The following PRKN variants were observed in gnomAD, a reference collection of about 807,000 sequenced individuals.
PRKN encodes E3 ubiquitin-protein ligase parkin.
PRKN carries 56 observed loss-of-function variants against 59.5 expected under a neutral mutation model. The observed-to-expected ratio is 0.94, with a 90% confidence interval of 0.76 to 1.18. The LOEUF is 1.18. Among genes scored for constraint, PRKN ranks in the 50% most tolerant of loss-of-function variants. PRKN has a pLI of 0.00. For synonymous variants in PRKN, 250 were observed against 222.1 expected (o/e 1.13, Z -1.12); for missense variants, 657 against 596.4 (o/e 1.10, Z -1.06).
chr6:161,603,680 C>T (rs772620097), intron 7 of PRKN, among the ~76,000 whole-genome samples: 10 of 152,126 alleles, frequency 6.6e-5, no homozygotes, highest in East Asian at 5.8e-4. Context: ...TAACTCCTTC[C>T]GTATCATTTT....
At chr6:161,689,884 A>G (rs1264810877) in intron 7 of PRKN, among the ~76,000 whole-genome samples, 1 of 148,560 alleles carries the variant, frequency 6.7e-6, no homozygotes. Flanking sequence ...CTAATTTTGT[A>G]TTTTTAGTAG....
chr6:161,498,881 T>C lies in PRKN; in HGVS notation c.1083+49973A>G, dbSNP rs1777850885. Among the ~76,000 whole-genome samples the C allele has an allele frequency of 6.6e-6, 1 of 152,164 alleles. No individual in the cohort carries two copies. The highest frequency in any genetic ancestry group is 2.4e-5 in the African/African-American group (1 of 41,442). On this transcript the variant is annotated intron_variant, in intron 9 of 11. Transcript: ENST00000366898. This position sits in a 1 kb window ranked among gnomAD's most constrained non-coding sequence, Gnocchi z 4.2. The stretch of plus-strand genomic sequence containing the variant: ...AGTGAAATATGCTTTGGAACACCTA[T>C]ACATAATAAAAGCAGAGATGGTCAT...
At chr6:162,551,208 T>C (rs9458583) in intron 1 of PRKN, among the ~76,000 whole-genome samples, 95,731 of 151,884 alleles carry the variant, frequency 0.63, 30,471 homozygotes, top group South Asian at 0.8. Flanking sequence ...AGAGAACACG[T>C]ACTTGGGCAT....
chr6:162,527,899 C>T lies in PRKN; in HGVS notation c.8-84426G>A, dbSNP rs1429272195. ...AGGCCACATTAACAAGTGACAATGG[C>T]TGGTTCTGCTGGATCCAGCCTGGGC... On this transcript the variant is annotated intron_variant, in intron 1 of 11. Transcript: ENST00000366898. Among the ~76,000 whole-genome samples, 2 of 152,124 alleles carry T rather than the reference C, an allele frequency of 1.3e-5. 1 individual carries two copies. Among genetic ancestry groups the T allele is most frequent in the Admixed American group, 1.3e-4 (2 of 15,268 alleles).
At chr6:162,569,125 A>G in intron 1 of PRKN, 1 of 638,750 alleles carries the variant, frequency 1.6e-6, no homozygotes, top group South Asian at 1.6e-5. Flanking sequence ...AGATCACCCA[A>G]CCTCAGCCGG....
chr6:161,795,026 A>G (rs187181677), intron 6 of PRKN, among the ~76,000 whole-genome samples: 2,455 of 151,382 alleles, frequency 0.016, 34 homozygotes, highest in Non-Finnish European at 0.025. Flanking sequence ...CTGGGACTAC[A>G]GGCACCCACC....
rs34202797 is a variant in PRKN at position 161,480,352 on chromosome 6, G to T, written c.1083+68502C>A. On this transcript the variant is annotated intron_variant, in intron 9 of 11. Transcript: ENST00000366898. The surrounding 1 kb of genome is among the most constrained non-coding windows in gnomAD (Gnocchi z 4.1). The stretch of plus-strand genomic sequence containing the variant: ...GGGCCCTGTGAGTATGGGGCCCTGT[G>T]TGACTGTACAGGTCGCACACTCCAA... Among the ~76,000 whole-genome samples the T allele has an allele frequency of 6.6e-6, 1 of 152,098 alleles. No individual in the cohort carries two copies. Among genetic ancestry groups the T allele is most frequent in the Non-Finnish European group, 1.5e-5 (1 of 68,038 alleles).
Position 162,488,393 on chromosome 6 carries a change from T to C in PRKN, c.8-44920A>G, listed in dbSNP as rs184778241. 2.1e-3 allele frequency among the ~76,000 whole-genome samples: 314 copies of C among 152,286 alleles called. 2 individuals are homozygous for C. The highest frequency in any genetic ancestry group is 7.3e-3 in the African/African-American group (303 of 41,574). On this transcript the variant is annotated intron_variant, in intron 1 of 11. Transcript: ENST00000366898. ...AGCAAGTGCCACCAGTGTGGATGCA[T>C]GGTCTCCACAAATCCACTCTTCACT...
At chr6:162,454,494 G>C (rs932154903) in intron 1 of PRKN, among the ~76,000 whole-genome samples, 2 of 152,128 alleles carry the variant, frequency 1.3e-5, no homozygotes, top group Non-Finnish European at 2.9e-5. Context: ...TTAAAATAAA[G>C]AAACAGATGC....
At chr6:162,375,128 T>A (rs1785991385) in intron 2 of PRKN, among the ~76,000 whole-genome samples, 1 of 152,122 alleles carries the variant, frequency 6.6e-6, no homozygotes, top group Non-Finnish European at 1.5e-5. Context: ...GGGATGCATT[T>A]ATAATGACTG....
rs554642415 is a variant in PRKN at position 161,842,518 on chromosome 6, T to C, written c.735-56610A>G. 1.0e-3 allele frequency among the ~76,000 whole-genome samples: 157 copies of C among 152,022 alleles called. 7 individuals carry two copies. The South Asian group carries it at 0.031, about 30-fold the overall frequency. ...CAAGAGAGACATGTCCTTGCTGATT[T>C]CTCCCCTTGAATCTGGCCCACTGAG... is the stretch of plus-strand genomic sequence containing the variant. On this transcript the variant is annotated intron_variant, in intron 6 of 11. Coordinates refer to ENST00000366898, the MANE Select transcript of PRKN (RefSeq NM_004562.3).
At chr6:161,977,849 C>G (rs1457673352) in intron 5 of PRKN, among the ~76,000 whole-genome samples, 1 of 151,672 alleles carries the variant, frequency 6.6e-6, no homozygotes, top group Non-Finnish European at 1.5e-5. Context: ...ACGCCCGGCC[C>G]TATCTTCTCT....
chr6:162,168,968 G>A (rs1400169532), intron 4 of PRKN, among the ~76,000 whole-genome samples: 1 of 152,084 alleles, frequency 6.6e-6, no homozygotes, highest in African/African-American at 2.4e-5. Context: ...TGTTTTCTTG[G>A]AAGGTTCTTT....
At chr6:162,362,315 T>C (rs1051130954) in intron 2 of PRKN, among the ~76,000 whole-genome samples, 4 of 152,206 alleles carry the variant, frequency 2.6e-5, no homozygotes, top group Admixed American at 2.6e-4. Context: ...ATAAGTTGTA[T>C]CCTGTCAATT....
At chr6:162,073,393 T>G (rs1456016743) in intron 4 of PRKN, among the ~76,000 whole-genome samples, 3 of 152,346 alleles carry the variant, frequency 2.0e-5, no homozygotes, top group African/African-American at 7.2e-5. Context: ...ACATCTCAGC[T>G]GGTCTTGAAA....
intron 7 of PRKN, among the ~76,000 whole-genome samples, chr6:161,664,336 C>T (rs996427069): frequency 1.3e-5 from 2 of 152,184 alleles, no homozygotes; most frequent in Non-Finnish European, 2.9e-5. Flanking sequence ...AAGGGGTGTA[C>T]AAATGGCACT....
chr6:162,285,916 G>A (rs76323692), intron 2 of PRKN, among the ~76,000 whole-genome samples: 9,662 of 152,202 alleles, frequency 0.063, 418 homozygotes, highest in Middle Eastern at 0.15. Context: ...ATGTGTGGCG[G>A]CGGGGGCATA....
chr6:162,018,375 G>A (rs1210133470), intron 5 of PRKN, among the ~76,000 whole-genome samples: 1 of 152,124 alleles, frequency 6.6e-6, no homozygotes, highest in Admixed American at 6.5e-5. Flanking sequence ...CTCAATAGCT[G>A]GTTTAAAACA....
chr6:162,012,553 A>T (rs1454156605), intron 5 of PRKN, among the ~76,000 whole-genome samples: 1 of 152,174 alleles, frequency 6.6e-6, no homozygotes, highest in Non-Finnish European at 1.5e-5. Context: ...GAATAAAAAC[A>T]TTCATTTACA....
Sources: allele counts gnomAD v4.1 joint callset (sites outside exome capture counted in the v4.1 genomes callset), GRCh38; gene constraint gnomAD v4.1.1; non-coding constraint Gnocchi (gnomAD v3.1); transcripts MANE v1.5; gene names NCBI Gene and HGNC (gene_info 2026-07-23, HGNC 2026-07-21).